The following ANOS1 variants were observed in gnomAD, a reference collection of about 807,000 sequenced individuals.
The protein encoded by ANOS1 is anosmin 1.
A neutral mutation model predicts 59.0 loss-of-function variants in ANOS1; 6 were observed. The observed-to-expected ratio is 0.10, with a 90% CI of 0.06 to 0.20. The LOEUF is 0.20. ANOS1 is among the 10% of genes least tolerant of loss of function. The pLI, the probability that ANOS1 is intolerant of heterozygous loss-of-function variation, is 1.00. For synonymous variants in ANOS1, 217 were observed against 223.4 expected (o/e 0.97, Z 0.25); for missense variants, 433 against 542.3 (o/e 0.80, Z 2.00).
At chrX:8,581,942 A>G (rs752167678) in intron 6 of ANOS1, among the ~76,000 whole-genome samples, 6 of 112,168 alleles carry the variant, frequency 5.3e-5, no homozygotes, top group African/African-American at 1.9e-4. Context: ...AAACAACAAC[A>G]CAACATTTTC....
chrX:8,615,555 A>AAAAAG (rs1240776275), intron 3 of ANOS1, among the ~76,000 whole-genome samples: 19 of 102,833 alleles, frequency 1.8e-4, no homozygotes, highest in African/African-American at 4.7e-4. Context: ...AAAAAAAAAA[A>AAAAAG]AAAAGAAAAG....
chrX:8,605,261 A>C (rs1930918454), intron 3 of ANOS1, among the ~76,000 whole-genome samples: 1 of 110,241 alleles, frequency 9.1e-6, no homozygotes, highest in South Asian at 3.9e-4. Flanking sequence ...ATTTCTGAAA[A>C]CTTCACTCCC....
chrX:8,662,102 C>T (rs2146872822), intron 2 of ANOS1, among the ~76,000 whole-genome samples: 1 of 111,808 alleles, frequency 8.9e-6, no homozygotes, highest in African/African-American at 3.2e-5. Context: ...CCTGAGGCAT[C>T]TGTAGTCCTG....
At chrX:8,537,821 T>A (rs1929622635) in intron 10 of ANOS1, among the ~76,000 whole-genome samples, 1 of 109,342 alleles carries the variant, frequency 9.1e-6, no homozygotes, top group Non-Finnish European at 1.9e-5. Context: ...AAAGTACAGA[T>A]GGAATATCTC....
intron 2 of ANOS1, among the ~76,000 whole-genome samples, chrX:8,669,011 G>A (rs746457822): frequency 4.5e-5 from 5 of 112,053 alleles, no homozygotes; most frequent in African/African-American, 9.7e-5. Context: ...GCCGCCTGAC[G>A]GCCTTTTGCC....
intron 2 of ANOS1, among the ~76,000 whole-genome samples, chrX:8,687,974 C>G (rs1041602310): frequency 8.9e-6 from 1 of 112,110 alleles, no homozygotes; most frequent in African/African-American, 3.2e-5. Flanking sequence ...AAGTAGACTA[C>G]GCACAAACAC....
chrX:8,695,717 A>C (rs960050478), intron 2 of ANOS1, among the ~76,000 whole-genome samples: 2 of 110,282 alleles, frequency 1.8e-5, no homozygotes, highest in Admixed American at 9.7e-5. Context: ...AAAAAAAAAA[A>C]AACCTAGTGC....
At chrX:8,585,147 A>T in intron 6 of ANOS1, 120 bp downstream of exon 6, 2 of 851,018 alleles carry the variant, frequency 2.4e-6, no homozygotes, top group Non-Finnish European at 3.4e-6. Flanking sequence ...CATTCTCTAA[A>T]ACAGCAAAGC....
At chrX:8,631,898 C>T (rs1004695485) in intron 2 of ANOS1, among the ~76,000 whole-genome samples, 1 of 111,916 alleles carries the variant, frequency 8.9e-6, no homozygotes, top group Non-Finnish European at 1.9e-5. Context: ...TGGACATGAA[C>T]GTACAGTTTC....
intron 3 of ANOS1, among the ~76,000 whole-genome samples, chrX:8,605,407 A>G (rs1249280573): frequency 2.7e-5 from 3 of 111,668 alleles, no homozygotes; most frequent in African/African-American, 6.5e-5. Flanking sequence ...AGACAAAAAC[A>G]TAAAGTTAAG....
chrX:8,723,817 C>A (rs1430019659), intron 1 of ANOS1, among the ~76,000 whole-genome samples: 1 of 111,564 alleles, frequency 9.0e-6, no homozygotes, highest in Non-Finnish European at 1.9e-5. Context: ...ACTATTGGGG[C>A]TCCCTTGCCT....
intron 9 of ANOS1, among the ~76,000 whole-genome samples, chrX:8,548,931 G>A (rs1323294591): frequency 8.9e-6 from 1 of 111,867 alleles, no homozygotes; most frequent in Non-Finnish European, 1.9e-5. Flanking sequence ...TTCCATTAGT[G>A]AAACAAATCA....
chrX:8,560,133 C>T (rs1444464764), intron 8 of ANOS1, among the ~76,000 whole-genome samples: 1 of 111,490 alleles, frequency 9.0e-6, no homozygotes, highest in Admixed American at 9.6e-5. Context: ...GGGCAATAAA[C>T]CTAATATTTG....
At chrX:8,717,653 G>A (rs1007328436) in intron 1 of ANOS1, among the ~76,000 whole-genome samples, 1 of 111,533 alleles carries the variant, frequency 9.0e-6, no homozygotes, top group African/African-American at 3.3e-5. Context: ...AGAGGGAAGA[G>A]GGGGAAAGAA....
intron 2 of ANOS1, among the ~76,000 whole-genome samples, chrX:8,643,679 C>A (rs1300160725): frequency 8.9e-6 from 1 of 111,876 alleles, no homozygotes; most frequent in Non-Finnish European, 1.9e-5. Flanking sequence ...ATAGCTAGAC[C>A]TTTTCCTTCC....
At chrX:8,669,364 A>G (rs1174914559) in intron 2 of ANOS1, among the ~76,000 whole-genome samples, 1 of 111,600 alleles carries the variant, frequency 9.0e-6, no homozygotes, top group Admixed American at 9.5e-5. Context: ...AGTAAACCCC[A>G]ATGTAAACTA....
At chrX:8,644,623 C>T (rs1239466254) in intron 2 of ANOS1, among the ~76,000 whole-genome samples, 1 of 112,136 alleles carries the variant, frequency 8.9e-6, no homozygotes, top group African/African-American at 3.2e-5. Context: ...GAATCTGACA[C>T]CTTTTAAGGT....
intron 4 of ANOS1, among the ~76,000 whole-genome samples, chrX:8,591,086 C>T (rs1930608068): frequency 9.0e-6 from 1 of 111,403 alleles, no homozygotes; most frequent in Admixed American, 9.6e-5. Context: ...GGAGAGAAAA[C>T]CCAAAGTTAA....
chrX:8,586,732 A>AT (rs950188656), intron 5 of ANOS1, among the ~76,000 whole-genome samples: 2 of 110,306 alleles, frequency 1.8e-5, no homozygotes, highest in South Asian at 3.8e-4. Context: ...ACTGAAGCAA[A>AT]TTTTTTTTAT....
Sources: gnomAD v4.1 joint callset for allele counts (sites outside exome capture counted in the v4.1 genomes callset) on GRCh38, gnomAD v4.1.1 for gene constraint, MANE v1.5 for transcripts, NCBI Gene and HGNC (gene_info 2026-07-23, HGNC 2026-07-21) for gene names.